The following FBP2 variants were observed in gnomAD, a reference collection of about 807,000 sequenced individuals.
FBP2 encodes the protein fructose-1,6-bisphosphatase isozyme 2.
In FBP2, 27 loss-of-function variants were observed where a neutral mutation model predicts 31.6. The ratio of observed to expected loss-of-function variants is 0.85; its 90% CI spans 0.63 to 1.18. The LOEUF (loss-of-function observed/expected upper bound fraction) is 1.18, where lower values mean the gene tolerates loss of function less well. Among genes scored for constraint, FBP2 ranks in the 50% most tolerant of loss-of-function variants. FBP2 has a pLI of 0.00. For synonymous variants in FBP2, 168 were observed against 179.8 expected (o/e 0.93, Z 0.53); for missense variants, 421 against 436.1 (o/e 0.97, Z 0.31).
intron 5 of FBP2, 112 bp downstream of exon 5, chr9:94,567,158 G>T: frequency 1.9e-6 from 2 of 1,055,504 alleles, no homozygotes; most frequent in Non-Finnish European, 1.4e-6. Context: ...ACTGACCACA[G>T]CCATAAACAG....
chr9:94,572,535 CAG>C (rs1388428331), intron 3 of FBP2, among the ~76,000 whole-genome samples: 1 of 152,202 alleles, frequency 6.6e-6, no homozygotes, highest in Non-Finnish European at 1.5e-5. Context: ...CATGAGCACT[CAG>C]AGCTGCTTCT....
chr9:94,575,023 T>C (rs1782888317), intron 3 of FBP2, among the ~76,000 whole-genome samples: 1 of 152,156 alleles, frequency 6.6e-6, no homozygotes, highest in Non-Finnish European at 1.5e-5. Flanking sequence ...TTTGGTAAAA[T>C]TAATGAAAAT....
chr9:94,585,572 A>G (rs1827417912), intron 2 of FBP2, among the ~76,000 whole-genome samples: 1 of 152,176 alleles, frequency 6.6e-6, no homozygotes, highest in Admixed American at 6.5e-5. Flanking sequence ...CCTGACTAGA[A>G]TTAAGGAATG....
At chr9:94,587,934 C>T (rs976222371) in intron 1 of FBP2, among the ~76,000 whole-genome samples, 14 of 152,168 alleles carry the variant, frequency 9.2e-5, no homozygotes, top group African/African-American at 2.4e-4. Context: ...CTGCAAGCTC[C>T]GCCTCCTGGG....
intron 4 of FBP2, chr9:94,568,344 A>G (rs564430): frequency 0.49 from 73,858 of 151,926 alleles, 18,566 homozygotes; most frequent in African/African-American, 0.6. Flanking sequence ...TCCACAACCC[A>G]TGTAGCCACT....
At chr9:94,570,098 T>C (rs1827251254) in intron 4 of FBP2, 1 of 152,210 alleles carries the variant, frequency 6.6e-6, no homozygotes, top group Non-Finnish European at 1.5e-5. Context: ...CCTTCTGTCA[T>C]GTTGACAAGC....
intron 2 of FBP2, among the ~76,000 whole-genome samples, chr9:94,585,385 G>A (rs1048984523): frequency 1.3e-5 from 2 of 152,174 alleles, no homozygotes; most frequent in African/African-American, 4.8e-5. Context: ...TGTTTCCGGG[G>A]GGTCAGCGAT....
intron 1 of FBP2, among the ~76,000 whole-genome samples, chr9:94,590,585 G>C (rs1827485113): frequency 6.6e-6 from 1 of 152,194 alleles, no homozygotes; most frequent in African/African-American, 2.4e-5. Context: ...CTCCCAGTGG[G>C]CTCGTGGTCT....
intron 3 of FBP2, among the ~76,000 whole-genome samples, chr9:94,575,454 TAGC>T (rs1827307072): frequency 6.6e-6 from 1 of 152,244 alleles, no homozygotes; most frequent in African/African-American, 2.4e-5. Flanking sequence ...TTGTTATACA[TAGC>T]AGTTTGTTCT....
At chr9:94,593,415 G>A in intron 1 of FBP2, 142 bp downstream of exon 1, 1 of 690,176 alleles carries the variant, frequency 1.4e-6, no homozygotes, top group South Asian at 2.9e-5. Context: ...ACACATGATA[G>A]GAACTTGAAA....
At chr9:94,573,453 C>G (rs572555096) in intron 3 of FBP2, among the ~76,000 whole-genome samples, 7 of 152,144 alleles carry the variant, frequency 4.6e-5, no homozygotes, top group Non-Finnish European at 8.8e-5. Flanking sequence ...AGATGGGGGT[C>G]TTGCTATGTT....
intron 1 of FBP2, 28 bp downstream of exon 1, chr9:94,593,529 T>C (rs1827523868): frequency 3.1e-6 from 5 of 1,600,756 alleles, no homozygotes; most frequent in East Asian, 2.2e-5. Flanking sequence ...GGGTGCTCTG[T>C]GCCCCATGCC....
chr9:94,571,556 C>T lies in FBP2; in HGVS notation c.473G>A (p.Arg158His), dbSNP rs751410821. The change falls in exon 4 of 7, where the codon CGC (arginine) becomes CAC (histidine). Residue 158 changes from arginine (R) to histidine (H), a missense_variant. Transcript: ENST00000375337. The stretch of plus-strand genomic sequence containing the variant: ...CGCATAACCTGCGGCCACAATATTG[C>T]GGCCACACTGCAGGGCATCCTTTTC... ...PSEKDALQCG[R>H]NIVAAGYALY... 1.2e-5 allele frequency: 19 copies of T among 1,613,598 alleles called. No individual in the cohort carries two copies. The South Asian group carries it at 1.6e-4, about 14-fold the overall frequency.
intron 1 of FBP2, among the ~76,000 whole-genome samples, chr9:94,591,925 C>T (rs1236462376): frequency 2.6e-5 from 4 of 152,190 alleles, no homozygotes; most frequent in African/African-American, 9.7e-5. Flanking sequence ...CTTGCTCAAC[C>T]GCCATAAAGT....
intron 1 of FBP2, among the ~76,000 whole-genome samples, chr9:94,590,278 C>A (rs887477246): frequency 6.6e-6 from 1 of 152,216 alleles, no homozygotes; most frequent in Middle Eastern, 3.2e-3. Flanking sequence ...TGATCCCCCA[C>A]GGCCATGAGA....
intron 4 of FBP2, chr9:94,569,234 TGA>T (rs925092441): frequency 6.6e-6 from 1 of 152,202 alleles, no homozygotes; most frequent in Non-Finnish European, 1.5e-5. Context: ...GAAACCTGAG[TGA>T]GAGGCGCAGC....
At chr9:94,567,472 C>A (rs1223519494) in intron 4 of FBP2, 65 bp from the exon 5 acceptor site, 7 of 1,590,730 alleles carry the variant, frequency 4.4e-6, no homozygotes, top group Non-Finnish European at 6.0e-6. Context: ...ACCGCACAAT[C>A]CCCACATCAG....
At chr9:94,590,728 C>T (rs996907944) in intron 1 of FBP2, among the ~76,000 whole-genome samples, 1 of 152,206 alleles carries the variant, frequency 6.6e-6, no homozygotes, top group Non-Finnish European at 1.5e-5. Context: ...GAGACCCAAA[C>T]GGGTTGCCGA....
intron 1 of FBP2, among the ~76,000 whole-genome samples, chr9:94,593,008 A>C (rs1007731211): frequency 5.3e-5 from 8 of 152,174 alleles, no homozygotes; most frequent in African/African-American, 4.8e-5. Context: ...CACCAAGTGG[A>C]GGTGAAGATA....
Sources: gnomAD v4.1 joint callset for allele counts (sites outside exome capture counted in the v4.1 genomes callset) on GRCh38, gnomAD v4.1.1 for gene constraint, MANE v1.5 for transcripts, NCBI Gene and HGNC (gene_info 2026-07-23, HGNC 2026-07-21) for gene names.